Variants in RNGTT observed in about 807,000 individuals in gnomAD.
RNGTT encodes mRNA-capping enzyme.
In RNGTT, 33 loss-of-function variants were observed where a neutral mutation model predicts 79.3. The ratio of observed to expected loss-of-function variants is 0.42; its 90% CI spans 0.32 to 0.56. The LOEUF is 0.56. Ranked by LOEUF, RNGTT falls within the 20% of genes least tolerant of loss-of-function variation. The probability of loss-of-function intolerance (pLI) is 0.17; values close to 1 mark genes in which losing one functional copy is unlikely to be tolerated. For synonymous variants in RNGTT, 222 were observed against 235.9 expected, an observed-to-expected ratio of 0.94 and a Z score of 0.54; for missense variants, 497 against 739.1, an observed-to-expected ratio of 0.67 and a Z score of 3.80.
intron 13 of RNGTT, among the ~76,000 whole-genome samples, chr6:88,755,941 C>T (rs556238508): frequency 9.0e-6 from 1 of 110,950 alleles, no homozygotes; most frequent in East Asian, 2.7e-4. Context: ...GCCTGGCCAA[C>T]AGAGTGAGAC....
At chr6:88,811,072 T>C (rs952945140) in intron 11 of RNGTT, among the ~76,000 whole-genome samples, 1 of 152,250 alleles carries the variant, frequency 6.6e-6, no homozygotes, top group African/African-American at 2.4e-5. Context: ...TAAATTACCC[T>C]AGATGTTTTT....
intron 11 of RNGTT, among the ~76,000 whole-genome samples, chr6:88,812,353 TTATTTTTACCAAA>T (rs1157167104): frequency 6.6e-6 from 1 of 152,216 alleles, no homozygotes; most frequent in Non-Finnish European, 1.5e-5. Context: ...GCCGTTAGTC[TTATTTTTACCAAA>T]ATCCCTTCAT....
chr6:88,872,628 A>G (rs190873796), intron 8 of RNGTT, among the ~76,000 whole-genome samples: 1 of 152,314 alleles, frequency 6.6e-6, no homozygotes, highest in Admixed American at 6.5e-5. Flanking sequence ...AAACGATGAG[A>G]CAGTAAATAT....
intron 14 of RNGTT, among the ~76,000 whole-genome samples, chr6:88,673,011 A>G (rs1774714974): frequency 1.3e-5 from 2 of 152,202 alleles, no homozygotes; most frequent in Admixed American, 1.3e-4. Flanking sequence ...CATGTGGCCA[A>G]ATATCTATTA....
chr6:88,907,842 T>A (rs1409844451), intron 4 of RNGTT, among the ~76,000 whole-genome samples: 1 of 150,606 alleles, frequency 6.6e-6, no homozygotes, highest in Non-Finnish European at 1.5e-5. Context: ...GCTCAAGTGA[T>A]CCTCCCACCT....
At chr6:88,914,899 A>T (rs1461861789) in intron 4 of RNGTT, among the ~76,000 whole-genome samples, 1 of 152,236 alleles carries the variant, frequency 6.6e-6, no homozygotes, top group Non-Finnish European at 1.5e-5. Context: ...AATATCCAGA[A>T]TCTACAAGGA....
chr6:88,784,588 T>C (rs1323353021), intron 12 of RNGTT, among the ~76,000 whole-genome samples: 1 of 152,154 alleles, frequency 6.6e-6, no homozygotes, highest in East Asian at 1.9e-4. Flanking sequence ...ACAGAATGAA[T>C]TGGTCTGTCA....
intron 14 of RNGTT, among the ~76,000 whole-genome samples, chr6:88,640,082 C>A (rs372675615): frequency 6.6e-6 from 1 of 152,134 alleles, no homozygotes; most frequent in Non-Finnish European, 1.5e-5. Context: ...ATTCAATTAG[C>A]AGCCCCTATG....
At chr6:88,655,368 A>G (rs1174825859) in intron 14 of RNGTT, among the ~76,000 whole-genome samples, 1 of 152,218 alleles carries the variant, frequency 6.6e-6, no homozygotes, top group Non-Finnish European at 1.5e-5. Context: ...GGATGGTTTG[A>G]TAGATTTTCA....
chr6:88,708,293 T>C (rs1032909247), intron 13 of RNGTT, among the ~76,000 whole-genome samples: 2 of 152,086 alleles, frequency 1.3e-5, no homozygotes, highest in Non-Finnish European at 2.9e-5. Context: ...CATCACTAGG[T>C]CCAGGAGGGC....
chr6:88,694,780 GA>G (rs1775603377), intron 13 of RNGTT, among the ~76,000 whole-genome samples: 1 of 152,092 alleles, frequency 6.6e-6, no homozygotes, highest in Non-Finnish European at 1.5e-5. Context: ...AGACAGCTCA[GA>G]AATGAATCCA....
chr6:88,791,393 C>A (rs555532686), intron 12 of RNGTT, among the ~76,000 whole-genome samples: 1 of 152,140 alleles, frequency 6.6e-6, no homozygotes, highest in East Asian at 1.9e-4. Flanking sequence ...CCCACCTCGG[C>A]CTCCCAAATT....
intron 13 of RNGTT, among the ~76,000 whole-genome samples, chr6:88,757,205 C>G (rs112121539): frequency 6.6e-6 from 1 of 151,954 alleles, no homozygotes; most frequent in African/African-American, 2.4e-5. Context: ...CAATGACCTA[C>G]CACAGTGAAA....
chr6:88,913,615 T>C (rs981611226), intron 4 of RNGTT, among the ~76,000 whole-genome samples: 2 of 152,196 alleles, frequency 1.3e-5, no homozygotes, highest in Non-Finnish European at 2.9e-5. Flanking sequence ...AACCACATGA[T>C]CATCTCAATG....
At chr6:88,773,210 T>A (rs1003256811) in intron 12 of RNGTT, among the ~76,000 whole-genome samples, 6 of 150,618 alleles carry the variant, frequency 4.0e-5, no homozygotes, top group African/African-American at 1.5e-4. Context: ...CTCAGTAAAC[T>A]ATCGCAAGAA....
chr6:88,922,525 TA>T (rs532787491), intron 4 of RNGTT, among the ~76,000 whole-genome samples: 8 of 151,516 alleles, frequency 5.3e-5, no homozygotes, highest in Admixed American at 1.3e-4. Context: ...TCAATTACCT[TA>T]AAAAAAAATT....
At chr6:88,926,768 C>T (rs1410839770) in intron 4 of RNGTT, among the ~76,000 whole-genome samples, 1 of 152,170 alleles carries the variant, frequency 6.6e-6, no homozygotes, top group African/African-American at 2.4e-5. Flanking sequence ...CATAACAATA[C>T]TATCTACCTA....
intron 8 of RNGTT, among the ~76,000 whole-genome samples, chr6:88,889,878 C>A (rs1159963847): frequency 6.6e-6 from 1 of 152,112 alleles, no homozygotes; most frequent in Non-Finnish European, 1.5e-5. Flanking sequence ...ATTCAGGAGA[C>A]TGAGGTGGGA....
chr6:88,667,532 C>T (rs953586760), intron 14 of RNGTT, among the ~76,000 whole-genome samples: 5 of 152,086 alleles, frequency 3.3e-5, no homozygotes, highest in African/African-American at 9.7e-5. Context: ...ACCGAGATGC[C>T]CAAATGTGGA....
Sources: gnomAD v4.1 joint callset for allele counts (sites outside exome capture counted in the v4.1 genomes callset) on GRCh38, gnomAD v4.1.1 for gene constraint, MANE v1.5 for transcripts, NCBI Gene and HGNC (gene_info 2026-07-23, HGNC 2026-07-21) for gene names.